Variants in SHISA9 observed in about 807,000 individuals in gnomAD.
SHISA9 encodes shisa family member 9.
A neutral mutation model predicts 38.0 loss-of-function variants in SHISA9; 13 were observed. The ratio of observed to expected loss-of-function variants is 0.34; its 90% CI spans 0.22 to 0.54. SHISA9 has a LOEUF of 0.54. Ranked by LOEUF, SHISA9 falls within the 20% of genes least tolerant of loss-of-function variation. The probability of loss-of-function intolerance (pLI) is 0.91; values close to 1 mark genes in which losing one functional copy is unlikely to be tolerated. For missense variants in SHISA9, 538 were observed against 575.8 expected, an observed-to-expected ratio of 0.93 and a Z score of 0.67; for synonymous variants, 275 against 242.0, an observed-to-expected ratio of 1.14 and a Z score of -1.27.
chr16:13,143,761 T>C (rs1365002309), intron 2 of SHISA9, among the ~76,000 whole-genome samples: 1 of 152,242 alleles, frequency 6.6e-6, no homozygotes, highest in Non-Finnish European at 1.5e-5. Flanking sequence ...GCAGTACCAT[T>C]GGCAATGCTT....
intron 2 of SHISA9, among the ~76,000 whole-genome samples, chr16:13,117,870 T>G (rs1367650242): frequency 6.6e-6 from 1 of 152,122 alleles, no homozygotes; most frequent in Non-Finnish European, 1.5e-5. Context: ...TATAGGTGCT[T>G]ACTGAAATGC....
intron 2 of SHISA9, among the ~76,000 whole-genome samples, chr16:13,184,279 G>A (rs989240669): frequency 2.6e-5 from 4 of 151,954 alleles, no homozygotes; most frequent in Non-Finnish European, 5.9e-5. Flanking sequence ...CTCTATCACC[G>A]CTGGGATGTT....
At chr16:12,985,295 G>A (rs1407274586) in intron 2 of SHISA9, among the ~76,000 whole-genome samples, 1 of 152,152 alleles carries the variant, frequency 6.6e-6, no homozygotes, top group African/African-American at 2.4e-5. Flanking sequence ...TTGGATGGGA[G>A]AGGGTGTTGG....
chr16:13,142,372 CA>C (rs756272162), intron 2 of SHISA9, among the ~76,000 whole-genome samples: 1 of 152,196 alleles, frequency 6.6e-6, no homozygotes, highest in Non-Finnish European at 1.5e-5. Context: ...CTGAGGCGGG[CA>C]GTTTAATTTT....
At chr16:13,109,265 A>G (rs923737337) in intron 2 of SHISA9, among the ~76,000 whole-genome samples, 4 of 151,982 alleles carry the variant, frequency 2.6e-5, no homozygotes, top group Non-Finnish European at 4.4e-5. Context: ...GGCTCAAGCA[A>G]TCCTCCCACC....
At chr16:13,014,416 C>T (rs2072716801) in intron 2 of SHISA9, among the ~76,000 whole-genome samples, 1 of 152,162 alleles carries the variant, frequency 6.6e-6, no homozygotes, top group Non-Finnish European at 1.5e-5. Context: ...CCTCTGATGG[C>T]AGTTTGGGAA....
At chr16:13,459,988 A>G in the SHISA9 span, among the ~76,000 whole-genome samples, 4 of 152,090 alleles carry the variant, frequency 2.6e-5, no homozygotes, top group Admixed American at 6.5e-5. Flanking sequence ...GCTCACTACA[A>G]ACTCTGCCTC....
At chr16:13,398,445 C>T in the SHISA9 span, among the ~76,000 whole-genome samples, 2 of 151,508 alleles carry the variant, frequency 1.3e-5, no homozygotes, top group Non-Finnish European at 2.9e-5. Flanking sequence ...TTTACTTATT[C>T]GTCTTCCACT....
At chr16:13,481,891 A>G in the SHISA9 span, among the ~76,000 whole-genome samples, 6 of 152,366 alleles carry the variant, frequency 3.9e-5, no homozygotes, top group Middle Eastern at 3.4e-3. Flanking sequence ...TCTCATTAAG[A>G]GAGATCTCAT....
chr16:13,561,845 T>G, the SHISA9 span, among the ~76,000 whole-genome samples: 2 of 152,046 alleles, frequency 1.3e-5, no homozygotes, highest in African/African-American at 4.8e-5. Context: ...GTTTCCATAT[T>G]GGTTGCAATT....
chr16:12,911,383 C>T (rs1033052650), intron 1 of SHISA9: 11 of 985,224 alleles, frequency 1.1e-5, no homozygotes, highest in African/African-American at 7.0e-5. Flanking sequence ...TCAGCACATT[C>T]CTGTCTATAA....
At chr16:12,957,155 A>G (rs2071847429) in intron 2 of SHISA9, among the ~76,000 whole-genome samples, 1 of 151,674 alleles carries the variant, frequency 6.6e-6, no homozygotes. Flanking sequence ...GTCATTGGTG[A>G]CTCCCTTTCA....
the SHISA9 span, among the ~76,000 whole-genome samples, chr16:13,421,687 T>C: frequency 1.3e-5 from 2 of 152,244 alleles, no homozygotes; most frequent in African/African-American, 2.4e-5. Flanking sequence ...AATTTTAATT[T>C]ATGTCATTTT....
rs558506248 is a variant in SHISA9 at position 13,211,771 on chromosome 16, G to T, written c.848-1482G>T. Among the ~76,000 whole-genome samples the T allele has an allele frequency of 3.3e-5, 5 of 152,322 alleles. No homozygotes were observed. The South Asian group carries it at 1.0e-3, about 32-fold the overall frequency. ...TGGGAACAGAGGTGACAAAATAATG[G>T]TTCCTGCCTTCAAGGCAAACAGCAA... On this transcript the variant is annotated intron_variant, in intron 3 of 4. Transcript: ENST00000558583.
the SHISA9 span, among the ~76,000 whole-genome samples, chr16:13,256,758 C>A: frequency 6.6e-6 from 1 of 152,162 alleles, no homozygotes; most frequent in Admixed American, 6.5e-5. Flanking sequence ...ATGAATATTT[C>A]TTTTACTACA....
At chr16:13,413,471 G>A in the SHISA9 span, among the ~76,000 whole-genome samples, 4 of 152,008 alleles carry the variant, frequency 2.6e-5, no homozygotes, top group East Asian at 7.7e-4. Flanking sequence ...AATTTGCAGT[G>A]TTGGCCAGGC....
At chr16:13,150,370 C>T (rs1046116133) in intron 2 of SHISA9, among the ~76,000 whole-genome samples, 1 of 152,114 alleles carries the variant, frequency 6.6e-6, no homozygotes, top group Non-Finnish European at 1.5e-5. Context: ...CTTGGGTTTC[C>T]TCTGATCTGT....
the SHISA9 span, among the ~76,000 whole-genome samples, chr16:13,467,586 C>T: frequency 9.9e-4 from 151 of 152,316 alleles, no homozygotes; most frequent in Admixed American, 2.4e-3. Context: ...ATCCACTTCC[C>T]CTAATAAATC....
chr16:13,180,118 A>G (rs2050764606), intron 2 of SHISA9, among the ~76,000 whole-genome samples: 1 of 152,264 alleles, frequency 6.6e-6, no homozygotes, highest in Non-Finnish European at 1.5e-5. Context: ...CTGGACATTT[A>G]CAATGTACGT....
Sources: allele counts gnomAD v4.1 joint callset (sites outside exome capture counted in the v4.1 genomes callset), GRCh38; gene constraint gnomAD v4.1.1; transcripts MANE v1.5; gene names NCBI Gene and HGNC (gene_info 2026-07-23, HGNC 2026-07-21).